COL4A5: variants seen among roughly 807,000 people sequenced by gnomAD.
COL4A5 encodes collagen alpha-5(IV) chain.
Under a neutral mutation model 130.2 loss-of-function variants are expected in COL4A5, and 26 were observed. The observed-to-expected ratio is 0.20, with a 90% confidence interval of 0.15 to 0.28. COL4A5 has a LOEUF of 0.28. COL4A5 is among the 10% of genes least tolerant of loss of function. COL4A5 has a pLI of 1.00. For missense variants in COL4A5, 1,131 were observed against 1,344.3 expected (o/e 0.84, Z 2.48); for synonymous variants, 496 against 439.6 (o/e 1.13, Z -1.60).
At chrX:108,660,501 T>G (rs1175975442) in intron 37 of COL4A5, among the ~76,000 whole-genome samples, 1 of 112,197 alleles carries the variant, frequency 8.9e-6, no homozygotes, top group East Asian at 2.8e-4. Flanking sequence ...AATTTTTCAC[T>G]GGATATAGAA....
intron 2 of COL4A5, among the ~76,000 whole-genome samples, chrX:108,544,882 C>T (rs1376673629): frequency 5.4e-5 from 6 of 111,849 alleles, no homozygotes; most frequent in Admixed American, 4.7e-4. Flanking sequence ...TCTAGATTTT[C>T]TAGTTTATTT....
At chrX:108,576,087 A>C in intron 10 of COL4A5, 115 bp downstream of exon 10, 2 of 517,347 alleles carry the variant, frequency 3.9e-6, no homozygotes, top group Non-Finnish European at 6.6e-6. Context: ...TTCATAATTT[A>C]TAATTTTCTT....
In COL4A5 at chrX:108,624,341, G is replaced by T; in HGVS notation, c.3016+7G>T. On this transcript the variant is annotated splice_region_variant and intron_variant, in intron 34 of 52. Transcript: ENST00000328300. Reference sequence around the variant, plus strand: ...GGATTACCAGGACCACCAGGTAAGTGTGATAGGCCATTTGTAGCAATTGCT... The same window carrying T: ...GGATTACCAGGACCACCAGGTAAGTTTGATAGGCCATTTGTAGCAATTGCT... 1 of 1,158,802 alleles carries T rather than the reference G, an allele frequency of 8.6e-7. No homozygotes were observed. Among genetic ancestry groups the T allele is most frequent in the Non-Finnish European group, 1.2e-6 (1 of 848,939 alleles).
At chrX:108,620,636 A>C (rs892482432) in intron 31 of COL4A5, among the ~76,000 whole-genome samples, 2 of 111,899 alleles carry the variant, frequency 1.8e-5, no homozygotes, top group Non-Finnish European at 3.8e-5. Flanking sequence ...TGTATAACAA[A>C]CAACCCCAAA....
chrX:108,526,610 TTCTTTCTTTCTTTCTTTC>T (rs1386036948), intron 1 of COL4A5, among the ~76,000 whole-genome samples: 1 of 53,206 alleles, frequency 1.9e-5, no homozygotes, highest in African/African-American at 1.3e-4. Context: ...CTTTCTTTCT[TTCTTTCTTTCTTTCTTTC>T]TTTCTTTCTT....
chrX:108,678,586 C>A (rs1443045604), intron 44 of COL4A5, among the ~76,000 whole-genome samples: 2 of 111,237 alleles, frequency 1.8e-5, no homozygotes, highest in Non-Finnish European at 3.8e-5. Context: ...AAAATTCTTA[C>A]CAAATGTCTT....
At chrX:108,670,539 A>T (rs766436565) in intron 42 of COL4A5, 88 of 329,323 alleles carry the variant, frequency 2.7e-4, no homozygotes, top group South Asian at 5.2e-4. Context: ...CTTTCTTTGG[A>T]GTCTGTTTCT....
chrX:108,663,812 A>G (rs1043427404), intron 37 of COL4A5, among the ~76,000 whole-genome samples: 3 of 111,737 alleles, frequency 2.7e-5, no homozygotes, highest in Non-Finnish European at 3.8e-5. Context: ...GTTTAACCCA[A>G]CAACCTTTAT....
chrX:108,601,882 T>C lies in COL4A5; in HGVS notation c.2042-3T>C. 9.2e-7 allele frequency: 1 copy of C among 1,091,295 alleles called. No homozygotes were observed. The highest frequency in any genetic ancestry group is 1.2e-6 in the Non-Finnish European group (1 of 801,808). 89.9% of individuals were successfully genotyped at this position (1,091,295 alleles called of 1,213,427 possible). A position where few individuals can be genotyped will look rare whatever the true frequency, so the allele number is the denominator to read the frequency against. ...CCTTTCAATAACTGCTGTTTCTCCA[T>C]AGGTGACCCTGGACTTCCAGGGCAA... On this transcript the variant is annotated splice_polypyrimidine_tract_variant and splice_region_variant and intron_variant, in intron 26 of 52. Coordinates refer to ENST00000328300, the MANE Select transcript of COL4A5 (RefSeq NM_033380.3).
chrX:108,512,176 T>C (rs1441797508), intron 1 of COL4A5, among the ~76,000 whole-genome samples: 1 of 112,169 alleles, frequency 8.9e-6, no homozygotes, highest in Non-Finnish European at 1.9e-5. Flanking sequence ...TAAGATGAAA[T>C]GCAGAAATCT....
At chrX:108,591,734 C>A in intron 21 of COL4A5, 90 bp downstream of exon 21, 1 of 703,023 alleles carries the variant, frequency 1.4e-6, no homozygotes, top group Non-Finnish European at 2.3e-6. Context: ...ACACCTTAGC[C>A]ACTGACTCCC....
chrX:108,499,222 A>G (rs2065059613), intron 1 of COL4A5, among the ~76,000 whole-genome samples: 1 of 111,766 alleles, frequency 8.9e-6, no homozygotes, highest in Admixed American at 9.5e-5. Context: ...ATTTTGTTCA[A>G]TGATCATATA....
At position 108,440,089 on chromosome X, in the gene COL4A5, G is replaced by T. The variant is rs2064370612; in HGVS notation, c.-37G>T. ...TTGGTTAGAGCCAGCCGGGAATTTC[G>T]TGCGGGTGCTGAAGGAGCTGCGGGA... On this transcript the variant is annotated 5_prime_UTR_variant, in exon 1 of 53. Coordinates refer to ENST00000328300, the MANE Select transcript of COL4A5 (RefSeq NM_033380.3). 9.0e-7 allele frequency: 1 copy of T among 1,115,676 alleles called. No homozygotes were observed. The highest frequency in any genetic ancestry group is 1.9e-5 in the South Asian group (1 of 53,732). 91.9% of individuals were successfully genotyped at this position (1,115,676 alleles called of 1,213,427 possible).
At chrX:108,673,779 C>T (rs917900594) in intron 42 of COL4A5, among the ~76,000 whole-genome samples, 1 of 108,722 alleles carries the variant, frequency 9.2e-6, no homozygotes, top group Admixed American at 9.9e-5. Flanking sequence ...TGGTGGCTCA[C>T]GCCTGTAATC....
At chrX:108,457,222 G>A (rs749655840) in intron 1 of COL4A5, among the ~76,000 whole-genome samples, 1 of 112,013 alleles carries the variant, frequency 8.9e-6, no homozygotes, top group Non-Finnish European at 1.9e-5. Context: ...TAAATATCAA[G>A]GAATGGAATT....
At chrX:108,535,582 T>C (rs1389383303) in intron 1 of COL4A5, among the ~76,000 whole-genome samples, 1 of 111,135 alleles carries the variant, frequency 9.0e-6, no homozygotes, top group African/African-American at 3.3e-5. Flanking sequence ...GGGTTTTTTT[T>C]CCTGTACTTC....
At position 108,695,332 on chromosome X, in the gene COL4A5, G is replaced by A. The variant is rs1239633113; in HGVS notation, c.4887G>A (p.Glu1629=). The A allele has an allele frequency of 3.3e-6, 4 of 1,211,387 alleles. No individual in the cohort carries two copies. Among genetic ancestry groups the A allele is most frequent in the Non-Finnish European group, 4.5e-6 (4 of 895,375 alleles). Reference sequence around the variant, plus strand: ...CCTCCCCTGGTTCCTGCTTGGAAGAGTTTCGTTCAGCTCCCTTCATCGAAT... The same window carrying A: ...CCTCCCCTGGTTCCTGCTTGGAAGAATTTCGTTCAGCTCCCTTCATCGAAT... ...ALASPGSCLE[E]FRSAPFIECH... Residue 1629 remains glutamate (E), a synonymous_variant, in exon 52 of 53, where the codon GAG becomes GAA. Coordinates refer to ENST00000328300, the MANE Select transcript of COL4A5 (RefSeq NM_033380.3).
chrX:108,580,038 A>T (rs2066215740), intron 13 of COL4A5, among the ~76,000 whole-genome samples: 3 of 111,804 alleles, frequency 2.7e-5, no homozygotes, highest in Admixed American at 9.5e-5. Context: ...GTACTACATG[A>T]GTATTCAGTT....
intron 29 of COL4A5, among the ~76,000 whole-genome samples, chrX:108,612,306 T>C (rs1185943376): frequency 9.1e-6 from 1 of 110,463 alleles, no homozygotes; most frequent in African/African-American, 3.3e-5. Flanking sequence ...GCCAATGTTA[T>C]AAGACAAGCA....
Sources: gnomAD v4.1 joint callset for allele counts (sites outside exome capture counted in the v4.1 genomes callset) on GRCh38, gnomAD v4.1.1 for gene constraint, MANE v1.5 for transcripts, NCBI Gene and HGNC (gene_info 2026-07-23, HGNC 2026-07-21) for gene names.